The following PCDH15 variants were observed in gnomAD, a reference collection of about 807,000 sequenced individuals.
PCDH15 encodes the protein protocadherin related 15.
Under a neutral mutation model 178.5 loss-of-function variants are expected in PCDH15, and 129 were observed. The ratio of observed to expected loss-of-function variants is 0.72; its 90% CI spans 0.63 to 0.84. The LOEUF is 0.84. Ranked by LOEUF, PCDH15 falls within the 40% of genes least tolerant of loss-of-function variation. PCDH15 has a pLI of 0.00. For missense variants in PCDH15, 2,230 were observed against 2,099.9 expected, an observed-to-expected ratio of 1.06 and a Z score of -1.21; for synonymous variants, 800 against 732.0, an observed-to-expected ratio of 1.09 and a Z score of -1.50.
At chr10:55,591,469 G>T (rs1842841894) in intron 2 of PCDH15, among the ~76,000 whole-genome samples, 1 of 151,554 alleles carries the variant, frequency 6.6e-6, no homozygotes, top group South Asian at 2.1e-4. Flanking sequence ...AGTTATGATA[G>T]GTAGAACTTT....
At chr10:55,558,580 A>G (rs1391854548) in intron 2 of PCDH15, among the ~76,000 whole-genome samples, 1 of 152,180 alleles carries the variant, frequency 6.6e-6, no homozygotes, top group African/African-American at 2.4e-5. Context: ...AATAATGTAT[A>G]ATGCCTATGC....
At chr10:54,484,694 T>A (rs1248458202) in intron 3 of PCDH15, among the ~76,000 whole-genome samples, 1 of 151,814 alleles carries the variant, frequency 6.6e-6, no homozygotes, top group African/African-American at 2.4e-5. Flanking sequence ...GGGATGAATT[T>A]AAAATCAATA....
chr10:53,973,262 C>A (rs1255031378), intron 21 of PCDH15, among the ~76,000 whole-genome samples: 1 of 132,348 alleles, frequency 7.6e-6, no homozygotes, highest in Non-Finnish European at 1.5e-5. Context: ...GGACACAGGG[C>A]GAGGAACATC....
rs2085798721 is a variant in PCDH15 at position 53,938,807 on chromosome 10, T to A, written c.3373+8A>T. 1.2e-6 allele frequency: 2 copies of A among 1,612,190 alleles called. No individual in the cohort carries two copies. The highest frequency in any genetic ancestry group is 2.7e-5 in the African/African-American group (2 of 74,900). ...ATTCTGGTAAAAGCTTTAAGTAGTA[T>A]AACTTACTTTTTGAAGGAACTCGGA... is the stretch of plus-strand genomic sequence containing the variant. On this transcript the variant is annotated splice_region_variant and intron_variant, in intron 25 of 37. Transcript: ENST00000644397.
chr10:54,690,304 G>A (rs1456512713), intron 1 of PCDH15, among the ~76,000 whole-genome samples: 1 of 143,658 alleles, frequency 7.0e-6, no homozygotes, highest in African/African-American at 2.6e-5. Flanking sequence ...GTATTTACAA[G>A]ACTACCTTTT....
intron 2 of PCDH15, among the ~76,000 whole-genome samples, chr10:55,109,427 T>C (rs1837443249): frequency 6.6e-6 from 1 of 152,190 alleles, no homozygotes; most frequent in Non-Finnish European, 1.5e-5. Flanking sequence ...ATCATAAGTA[T>C]GATTAGAAAG....
chr10:54,175,243 T>C (rs562918459), intron 13 of PCDH15, among the ~76,000 whole-genome samples: 1 of 152,274 alleles, frequency 6.6e-6, no homozygotes, highest in African/African-American at 2.4e-5. Context: ...TCTATGGCCA[T>C]ACCACTCTGA....
chr10:54,854,647 AGG>A (rs1458339110), intron 3 of PCDH15, among the ~76,000 whole-genome samples: 1 of 152,034 alleles, frequency 6.6e-6, no homozygotes, highest in East Asian at 1.9e-4. Flanking sequence ...TGCAGAGAGG[AGG>A]CCATGGTGTG....
At chr10:55,098,660 G>A (rs1591901761) in intron 2 of PCDH15, among the ~76,000 whole-genome samples, 1 of 152,092 alleles carries the variant, frequency 6.6e-6, no homozygotes, top group South Asian at 2.1e-4. Context: ...GATTAGGGTG[G>A]GGTGACCAGC....
At chr10:54,044,397 C>T (rs950943447) in intron 18 of PCDH15, among the ~76,000 whole-genome samples, 2 of 152,132 alleles carry the variant, frequency 1.3e-5, no homozygotes, top group African/African-American at 4.8e-5. Flanking sequence ...TTTTGTTCCT[C>T]AGGAGAGCCT....
At chr10:54,628,472 C>T (rs189210720) in intron 2 of PCDH15, among the ~76,000 whole-genome samples, 71 of 152,210 alleles carry the variant, frequency 4.7e-4, no homozygotes, top group Non-Finnish European at 9.7e-4. Flanking sequence ...TTTATTTCTA[C>T]AGGTCTTTAG....
At chr10:55,553,610 C>T (rs1459559587) in intron 2 of PCDH15, among the ~76,000 whole-genome samples, 1 of 151,822 alleles carries the variant, frequency 6.6e-6, no homozygotes, top group Non-Finnish European at 1.5e-5. Flanking sequence ...CTTTCTCAGC[C>T]TGAATTTTTG....
At chr10:55,172,834 A>G (rs145348250) in intron 1 of PCDH15, among the ~76,000 whole-genome samples, 30 of 152,052 alleles carry the variant, frequency 2.0e-4, no homozygotes, top group African/African-American at 7.2e-4. Flanking sequence ...TTACATATGT[A>G]TTTCTTTTAG....
intron 2 of PCDH15, among the ~76,000 whole-genome samples, chr10:55,597,915 G>A (rs564556503): frequency 6.6e-6 from 1 of 152,134 alleles, no homozygotes; most frequent in South Asian, 2.1e-4. Context: ...GCCTTTTTAT[G>A]AATTCTCAGT....
chr10:54,826,718 C>T (rs1001524506), intron 3 of PCDH15, among the ~76,000 whole-genome samples: 1 of 151,656 alleles, frequency 6.6e-6, no homozygotes. Flanking sequence ...TGCCAAGACT[C>T]ATTATTTTTA....
intron 13 of PCDH15, among the ~76,000 whole-genome samples, chr10:54,182,742 T>C (rs905427384): frequency 1.3e-5 from 2 of 152,134 alleles, no homozygotes; most frequent in African/African-American, 4.8e-5. Flanking sequence ...CAGTTTTTTG[T>C]ATTTATCTCC....
intron 2 of PCDH15, among the ~76,000 whole-genome samples, chr10:55,035,772 T>G (rs1232811115): frequency 6.6e-6 from 1 of 152,150 alleles, no homozygotes. Flanking sequence ...TTTCATAAAT[T>G]ATATGAATAT....
intron 26 of PCDH15, among the ~76,000 whole-genome samples, chr10:53,901,346 C>T (rs1445875241): frequency 6.6e-6 from 1 of 152,052 alleles, no homozygotes; most frequent in Non-Finnish European, 1.5e-5. Flanking sequence ...CTGTTCAGGA[C>T]AAAAACCACC....
chr10:54,572,887 C>T lies in PCDH15; in HGVS notation c.92-45010G>A, dbSNP rs193088859. Among the ~76,000 whole-genome samples, 281 of 152,210 alleles carry T rather than the reference C, an allele frequency of 1.8e-3. 1 individual carries two copies. Among genetic ancestry groups the T allele is most frequent in the African/African-American group, 6.6e-3 (274 of 41,542 alleles). On this transcript the variant is annotated intron_variant, in intron 2 of 37. Coordinates refer to ENST00000644397, the MANE Select transcript of PCDH15 (RefSeq NM_001384140.1). ...TGTTTCTTGTATGTGGGATTAGACC[C>T]AGCAAAGCTAAAAGAGGCAACTAAA...
Sources: gnomAD v4.1 joint callset for allele counts (sites outside exome capture counted in the v4.1 genomes callset) on GRCh38, gnomAD v4.1.1 for gene constraint, MANE v1.5 for transcripts, NCBI Gene and HGNC (gene_info 2026-07-23, HGNC 2026-07-21) for gene names.